The following GPCPD1 variants were observed in gnomAD, a reference collection of about 807,000 sequenced individuals.
GPCPD1 encodes glycerophosphocholine phosphodiesterase 1, also known as glycerophosphocholine phosphodiesterase GPCPD1.
In GPCPD1, 29 loss-of-function variants were observed where a neutral mutation model predicts 89.2. The ratio of observed to expected loss-of-function variants is 0.33; its 90% CI spans 0.24 to 0.44. GPCPD1 has a LOEUF of 0.44. GPCPD1 is among the 20% of genes least tolerant of loss of function. The probability of loss-of-function intolerance (pLI) is 1.00; values close to 1 mark genes in which losing one functional copy is unlikely to be tolerated. For synonymous variants in GPCPD1, 258 were observed against 266.3 expected, an observed-to-expected ratio of 0.97 and a Z score of 0.30; for missense variants, 594 against 808.9, an observed-to-expected ratio of 0.73 and a Z score of 3.22.
intron 6 of GPCPD1, among the ~76,000 whole-genome samples, chr20:5,582,626 C>T (rs1353634353): frequency 6.6e-6 from 1 of 152,166 alleles, no homozygotes; most frequent in South Asian, 2.1e-4. Context: ...TGGTGGCTTA[C>T]GCCTGTAATC....
intron 2 of GPCPD1, among the ~76,000 whole-genome samples, chr20:5,603,184 T>G (rs1471080606): frequency 6.6e-6 from 1 of 151,818 alleles, no homozygotes; most frequent in African/African-American, 2.4e-5. Context: ...TCCCAGCTAC[T>G]TGGGAGGCTG....
At chr20:5,605,683 C>G (rs1980535950) in intron 1 of GPCPD1, among the ~76,000 whole-genome samples, 1 of 152,094 alleles carries the variant, frequency 6.6e-6, no homozygotes, top group African/African-American at 2.4e-5. Flanking sequence ...GAGGCTGAGG[C>G]AGGAGAATTG....
At chr20:5,594,197 T>C (rs773644414) in intron 3 of GPCPD1, among the ~76,000 whole-genome samples, 3 of 152,222 alleles carry the variant, frequency 2.0e-5, no homozygotes, top group Admixed American at 6.5e-5. Context: ...TGGGAGCTTC[T>C]TAGAAATGCA....
chr20:5,586,216 T>C lies in GPCPD1; in HGVS notation c.285A>G (p.Gln95=), dbSNP rs766466152. ...TACCTAAAGGGGTTATTGATCGTGG[T>C]TGTAGATGAGTCTCCCACTTGTGAA... ...VIVHKWETHL[Q]PRSITPLESE... Residue 95 remains glutamine (Q), a synonymous_variant, in exon 5 of 20, where the codon CAA becomes CAG. Coordinates refer to ENST00000379019, the MANE Select transcript of GPCPD1 (RefSeq NM_019593.5). 2.0e-5 allele frequency: 32 copies of C among 1,591,134 alleles called. 1 individual carries two copies. Among genetic ancestry groups the C allele is most frequent in the South Asian group, 2.0e-4 (18 of 90,634 alleles).
At chr20:5,582,061 C>T (rs1270335236) in intron 6 of GPCPD1, among the ~76,000 whole-genome samples, 2 of 148,006 alleles carry the variant, frequency 1.4e-5, no homozygotes, top group African/African-American at 2.5e-5. Flanking sequence ...TAGCGGGCGC[C>T]TGTAGTCCCA....
At chr20:5,575,594 G>A (rs777135151) in intron 9 of GPCPD1, 49 bp from the exon 10 acceptor site, 6 of 1,277,556 alleles carry the variant, frequency 4.7e-6, no homozygotes, top group Non-Finnish European at 5.6e-6. Flanking sequence ...TGATTAAAAG[G>A]GCCATTATGA....
At chr20:5,567,670 C>T (rs954650506) in intron 12 of GPCPD1, 110 bp from the exon 13 acceptor site, 1 of 987,900 alleles carries the variant, frequency 1.0e-6, no homozygotes, top group African/African-American at 1.7e-5. Flanking sequence ...CCTAGCAACT[C>T]TATTTACTCA....
rs911945449 is a variant in GPCPD1 at position 5,578,720 on chromosome 20, T to C, written c.474-109A>G. 7.6e-6 allele frequency: 5 copies of C among 662,200 alleles called. No homozygotes were observed. In the African/African-American group the frequency reaches 9.0e-5, roughly 12 times the overall value. The allele number at this position is 662,200 out of a possible 1,614,324, so 41.0% of individuals were successfully genotyped here. ...AAGTGCCCCCAAATATGCTAAATCTTCGAATAACAAAAATAATGTATTATG... is the reference window on the plus strand; with the variant it reads ...AAGTGCCCCCAAATATGCTAAATCTCCGAATAACAAAAATAATGTATTATG... On this transcript the variant is annotated intron_variant, in intron 7 of 19. Coordinates refer to ENST00000379019, the MANE Select transcript of GPCPD1 (RefSeq NM_019593.5).
chr20:5,575,309 G>T, intron 10 of GPCPD1, 104 bp downstream of exon 10: 1 of 817,596 alleles, frequency 1.2e-6, no homozygotes, highest in Non-Finnish European at 1.9e-6. Flanking sequence ...AAATTCCCTT[G>T]GTAAATAATA....
intron 11 of GPCPD1, among the ~76,000 whole-genome samples, chr20:5,572,743 A>G (rs1232510492): frequency 6.6e-6 from 1 of 152,120 alleles, no homozygotes; most frequent in Non-Finnish European, 1.5e-5. Flanking sequence ...GTTATTGATT[A>G]AAAATGTCCA....
chr20:5,587,884 T>G (rs1979038810), intron 4 of GPCPD1, among the ~76,000 whole-genome samples: 1 of 152,204 alleles, frequency 6.6e-6, no homozygotes, highest in Admixed American at 6.5e-5. Flanking sequence ...CAGGCTAAAT[T>G]CTTTTCTGAA....
At position 5,604,618 on chromosome 20, in the gene GPCPD1, G is replaced by C. The variant is rs969792327; in HGVS notation, c.-28-178C>G. Reference sequence around the variant, plus strand: ...TTTAAAGTAACTTTAGTGCGGGGGGGGGGGGGCGGGAAAGAAACAAGTGAA... The same window carrying C: ...TTTAAAGTAACTTTAGTGCGGGGGGCGGGGGGCGGGAAAGAAACAAGTGAA... On this transcript the variant is annotated intron_variant, in intron 1 of 19. Transcript: ENST00000379019. Among the ~76,000 whole-genome samples the C allele has an allele frequency of 6.9e-5, 6 of 87,094 alleles. 1 individual carries two copies. The Admixed American group carries it at 8.6e-4, about 12-fold the overall frequency. The allele number at this position is 87,094 out of a possible 152,430, so 57.1% of individuals were successfully genotyped here. A position where few individuals can be genotyped will look rare whatever the true frequency, so the allele number is the denominator to read the frequency against.
At chr20:5,554,360 A>G (rs535869039) in intron 19 of GPCPD1, among the ~76,000 whole-genome samples, 1 of 152,134 alleles carries the variant, frequency 6.6e-6, no homozygotes, top group Non-Finnish European at 1.5e-5. Context: ...AGCTTGAGAG[A>G]TGTCAATGCC....
At chr20:5,550,874 G>T (rs926764985) in intron 19 of GPCPD1, among the ~76,000 whole-genome samples, 1 of 152,100 alleles carries the variant, frequency 6.6e-6, no homozygotes, top group African/African-American at 2.4e-5. Flanking sequence ...AGAATGGCAG[G>T]GCACAGGATG....
chr20:5,550,336 T>C (rs1985334112), intron 19 of GPCPD1, among the ~76,000 whole-genome samples: 2 of 139,092 alleles, frequency 1.4e-5, no homozygotes, highest in Admixed American at 7.0e-5. Flanking sequence ...AAAAATCTGG[T>C]CCAAGAGCTA....
chr20:5,555,186 A>T (rs1034062102), intron 19 of GPCPD1, among the ~76,000 whole-genome samples: 1 of 152,228 alleles, frequency 6.6e-6, no homozygotes, highest in African/African-American at 2.4e-5. Context: ...AATATTACAT[A>T]AACTTAGTGA....
Position 5,579,021 on chromosome 20 carries a change from G to A in GPCPD1, c.474-410C>T, listed in dbSNP as rs139149402. 8.6e-5 allele frequency among the ~76,000 whole-genome samples: 13 copies of A among 151,558 alleles called. No homozygotes were observed. The East Asian group carries it at 2.5e-3, about 30-fold the overall frequency. ...TAGGCAACATGGTGAAACCCCATCT[G>A]CAAAAAATATAAAAATTATTCAGGC... is the stretch of plus-strand genomic sequence containing the variant. On this transcript the variant is annotated intron_variant, in intron 7 of 19. Transcript: ENST00000379019.
At chr20:5,569,500 C>G (rs555110502) in intron 12 of GPCPD1, among the ~76,000 whole-genome samples, 1 of 109,326 alleles carries the variant, frequency 9.1e-6, no homozygotes, top group South Asian at 3.2e-4. Context: ...CATTCTGGAT[C>G]CCCCCCCGCC....
At chr20:5,549,517 A>T (rs1171697711) in intron 19 of GPCPD1, 1 of 1,086,176 alleles carries the variant, frequency 9.2e-7, no homozygotes, top group South Asian at 1.2e-5. Context: ...GAGTATTCTC[A>T]TAAGAGACCA....
Sources: gnomAD v4.1 joint callset for allele counts (sites outside exome capture counted in the v4.1 genomes callset) on GRCh38, gnomAD v4.1.1 for gene constraint, MANE v1.5 for transcripts, NCBI Gene and HGNC (gene_info 2026-07-23, HGNC 2026-07-21) for gene names.